NEGR1: variants seen among roughly 807,000 people sequenced by gnomAD.
NEGR1 encodes the protein neuronal growth regulator 1.
Under a neutral mutation model 40.9 loss-of-function variants are expected in NEGR1, and 10 were observed. The observed-to-expected ratio is 0.24, with a 90% confidence interval of 0.15 to 0.42. NEGR1 has a LOEUF of 0.42. Among genes scored for constraint, NEGR1 ranks in the 10% least tolerant of loss-of-function variants. The pLI is 1.00. For missense variants in NEGR1, 352 were observed against 438.9 expected (o/e 0.80, Z 1.77); for synonymous variants, 185 against 166.8 (o/e 1.11, Z -0.84).
At chr1:71,867,651 T>C (rs1485671620) in intron 2 of NEGR1, among the ~76,000 whole-genome samples, 1 of 152,062 alleles carries the variant, frequency 6.6e-6, no homozygotes, top group Non-Finnish European at 1.5e-5. Context: ...CTGACCAAAA[T>C]CATATACAAA....
At chr1:72,036,064 T>G (rs928700263) in intron 1 of NEGR1, among the ~76,000 whole-genome samples, 1 of 152,200 alleles carries the variant, frequency 6.6e-6, no homozygotes, top group South Asian at 2.1e-4. Flanking sequence ...ATTTGTTTAC[T>G]CAGATACCAG....
rs554722120 is a variant in NEGR1 at position 72,001,759 on chromosome 1, T to A, written c.177-66448A>T. 6.6e-5 allele frequency among the ~76,000 whole-genome samples: 10 copies of A among 151,362 alleles called. No homozygotes were observed. The South Asian group carries it at 1.9e-3, about 29-fold the overall frequency. ...AGTGATAAGTTAGAACTTCAAGGGGTTTGAAGAAAATGGAAAAGTGATTGC... is the reference window on the plus strand; with the variant it reads ...AGTGATAAGTTAGAACTTCAAGGGGATTGAAGAAAATGGAAAAGTGATTGC... On this transcript the variant is annotated intron_variant, in intron 1 of 6. Coordinates refer to ENST00000357731, the MANE Select transcript of NEGR1 (RefSeq NM_173808.3).
chr1:72,279,510 A>C (rs1656173646), intron 1 of NEGR1, among the ~76,000 whole-genome samples: 1 of 152,172 alleles, frequency 6.6e-6, no homozygotes, highest in African/African-American at 2.4e-5. Flanking sequence ...TTGATGAATG[A>C]TATGTAATTT....
intron 2 of NEGR1, among the ~76,000 whole-genome samples, chr1:71,864,172 G>C (rs916868684): frequency 1.3e-5 from 2 of 152,052 alleles, no homozygotes; most frequent in East Asian, 3.9e-4. Flanking sequence ...AGGTCGCCTG[G>C]GTCCACAGGT....
intron 4 of NEGR1, among the ~76,000 whole-genome samples, chr1:71,624,478 A>G (rs756691456): frequency 6.6e-6 from 1 of 151,990 alleles, no homozygotes; most frequent in African/African-American, 2.4e-5. Flanking sequence ...TTTCAGAATA[A>G]GAGCCAAATT....
intron 6 of NEGR1, among the ~76,000 whole-genome samples, chr1:71,441,644 C>G (rs1179999902): frequency 6.6e-6 from 1 of 152,118 alleles, no homozygotes; most frequent in Non-Finnish European, 1.5e-5. Context: ...TGTATTATAG[C>G]TATCTGAGTA....
chr1:72,270,055 T>C (rs1655791939), intron 1 of NEGR1, among the ~76,000 whole-genome samples: 1 of 151,786 alleles, frequency 6.6e-6, no homozygotes, highest in Non-Finnish European at 1.5e-5. Flanking sequence ...TACAAGATAA[T>C]GAGAAAGGCA....
At chr1:72,114,516 C>G (rs2100275892) in intron 1 of NEGR1, among the ~76,000 whole-genome samples, 1 of 151,804 alleles carries the variant, frequency 6.6e-6, no homozygotes, top group Admixed American at 6.6e-5. Flanking sequence ...CTAGATAGAG[C>G]TCCGTTTCTC....
intron 1 of NEGR1, among the ~76,000 whole-genome samples, chr1:72,018,771 G>A (rs989706165): frequency 6.6e-6 from 1 of 152,150 alleles, no homozygotes; most frequent in Non-Finnish European, 1.5e-5. Flanking sequence ...GGGCAGGAGG[G>A]GAGGAGAAGG....
intron 2 of NEGR1, among the ~76,000 whole-genome samples, chr1:71,868,505 T>TACAC (rs1660187511): frequency 6.6e-6 from 1 of 151,894 alleles, no homozygotes; most frequent in Non-Finnish European, 1.5e-5. Context: ...CATACATACA[T>TACAC]ACATACATAC....
intron 1 of NEGR1, among the ~76,000 whole-genome samples, chr1:71,948,409 A>G (rs1175930743): frequency 6.6e-6 from 1 of 151,990 alleles, no homozygotes. Flanking sequence ...ATATAAAAAT[A>G]TATCTTTATG....
At chr1:71,434,215 CATATA>C (rs1191402196) in intron 6 of NEGR1, among the ~76,000 whole-genome samples, 3 of 152,004 alleles carry the variant, frequency 2.0e-5, no homozygotes, top group African/African-American at 7.3e-5. Flanking sequence ...GTCATGAATG[CATATA>C]ATATATGAAG....
intron 4 of NEGR1, among the ~76,000 whole-genome samples, chr1:71,648,181 A>T (rs1462821942): frequency 2.0e-5 from 3 of 152,000 alleles, no homozygotes; most frequent in Admixed American, 1.3e-4. Context: ...CCTAGAAACA[A>T]TTTTGCTCAG....
intron 6 of NEGR1, among the ~76,000 whole-genome samples, chr1:71,498,837 T>C (rs1646981884): frequency 6.6e-6 from 1 of 152,116 alleles, no homozygotes; most frequent in Non-Finnish European, 1.5e-5. Flanking sequence ...TACTTCACTA[T>C]AGGGAATATA....
At chr1:72,163,976 G>T (rs1456236441) in intron 1 of NEGR1, among the ~76,000 whole-genome samples, 1 of 151,608 alleles carries the variant, frequency 6.6e-6, no homozygotes, top group Non-Finnish European at 1.5e-5. Context: ...AATACAGGAA[G>T]TATAAACTAA....
intron 6 of NEGR1, among the ~76,000 whole-genome samples, chr1:71,534,919 C>T (rs1647466793): frequency 6.6e-6 from 1 of 151,444 alleles, no homozygotes; most frequent in East Asian, 2.0e-4. Context: ...AAAATTATAT[C>T]AGAGAAATGA....
rs1421878056 is a variant in NEGR1 at position 71,404,894 on chromosome 1, C to G, written c.*2552G>C. ...TATATGTCCATAAATGTAAAATCATCTACTTGAACATTATATGCAATACAT... is the reference window on the plus strand; with the variant it reads ...TATATGTCCATAAATGTAAAATCATGTACTTGAACATTATATGCAATACAT... On this transcript the variant is annotated 3_prime_UTR_variant, in exon 7 of 7. Coordinates refer to ENST00000357731, the MANE Select transcript of NEGR1 (RefSeq NM_173808.3). The G allele has an allele frequency of 6.6e-6, 1 of 152,134 alleles. No homozygotes were observed. The highest frequency in any genetic ancestry group is 1.5e-5 in the Non-Finnish European group (1 of 67,752). The allele number at this position is 152,134 out of a possible 1,614,324, so 9.4% of individuals were successfully genotyped here.
chr1:71,519,644 G>T (rs2101427624), intron 6 of NEGR1, among the ~76,000 whole-genome samples: 1 of 129,988 alleles, frequency 7.7e-6, no homozygotes, highest in African/African-American at 3.0e-5. Context: ...ACACGTTAGT[G>T]GGTGCAGCGC....
At chr1:71,991,870 C>A (rs562282766) in intron 1 of NEGR1, among the ~76,000 whole-genome samples, 2 of 152,320 alleles carry the variant, frequency 1.3e-5, no homozygotes, top group East Asian at 3.9e-4. Flanking sequence ...CGACTCACTG[C>A]AACCTCCGCC....
Sources: gnomAD v4.1 joint callset for allele counts (sites outside exome capture counted in the v4.1 genomes callset) on GRCh38, gnomAD v4.1.1 for gene constraint, MANE v1.5 for transcripts, NCBI Gene and HGNC (gene_info 2026-07-23, HGNC 2026-07-21) for gene names.